PTPRD: variants seen among roughly 807,000 people sequenced by gnomAD.
The protein encoded by PTPRD is receptor-type tyrosine-protein phosphatase delta.
A neutral mutation model predicts 214.5 loss-of-function variants in PTPRD; 34 were observed. That is an observed-to-expected ratio of 0.16 (90% CI 0.12 to 0.21). PTPRD has a LOEUF of 0.21. PTPRD is among the 10% of genes least tolerant of loss of function. The pLI, the probability that PTPRD is intolerant of heterozygous loss-of-function variation, is 1.00. For synonymous variants in PTPRD, 1,128 were observed against 845.7 expected (o/e 1.33, Z -5.79); for missense variants, 2,545 against 2,398.7 (o/e 1.06, Z -1.27).
chr9:9,470,463 C>A (rs945334283), intron 8 of PTPRD, among the ~76,000 whole-genome samples: 3 of 152,128 alleles, frequency 2.0e-5, no homozygotes, highest in East Asian at 3.9e-4. Flanking sequence ...CTTTAAATGC[C>A]TTAAATACAA....
intron 3 of PTPRD, among the ~76,000 whole-genome samples, chr9:10,160,423 A>G (rs1487812776): frequency 6.6e-6 from 1 of 152,034 alleles, no homozygotes; most frequent in Non-Finnish European, 1.5e-5. Flanking sequence ...CAACCTTTCA[A>G]GAAGAATGAA....
chr9:9,479,554 A>G (rs72704683), intron 8 of PTPRD, among the ~76,000 whole-genome samples: 15,552 of 152,144 alleles, frequency 0.1, 872 homozygotes, highest in Non-Finnish European at 0.12. Context: ...AAAACAAGTC[A>G]TTGGATTTAA....
chr9:10,568,901 C>T (rs1435256608), intron 2 of PTPRD, among the ~76,000 whole-genome samples: 1 of 152,066 alleles, frequency 6.6e-6, no homozygotes, highest in Non-Finnish European at 1.5e-5. Flanking sequence ...GCAATGGCAA[C>T]AAAAGCCAAA....
intron 11 of PTPRD, among the ~76,000 whole-genome samples, chr9:8,992,435 A>C (rs1021249151): frequency 1.4e-4 from 22 of 152,150 alleles, no homozygotes; most frequent in Non-Finnish European, 2.8e-4. Flanking sequence ...GAAGTACTCT[A>C]ATTGGGACTA....
At chr9:9,297,482 A>T (rs537743507) in intron 9 of PTPRD, among the ~76,000 whole-genome samples, 1 of 151,710 alleles carries the variant, frequency 6.6e-6, no homozygotes, top group South Asian at 2.1e-4. Context: ...ATATCACCAA[A>T]ATTAAACAAG....
intron 4 of PTPRD, among the ~76,000 whole-genome samples, chr9:10,014,051 C>T (rs897311501): frequency 4.9e-4 from 75 of 151,920 alleles, no homozygotes; most frequent in African/African-American, 1.6e-3. Flanking sequence ...AATAAATCTT[C>T]ACATGTCAGC....
chr9:9,271,759 T>G (rs992177650), intron 9 of PTPRD, among the ~76,000 whole-genome samples: 1 of 151,318 alleles, frequency 6.6e-6, no homozygotes, highest in Non-Finnish European at 1.5e-5. Context: ...TAACATCAAA[T>G]AGAATTCATG....
chr9:10,455,934 G>A (rs1335403969), intron 2 of PTPRD, among the ~76,000 whole-genome samples: 1 of 151,722 alleles, frequency 6.6e-6, no homozygotes, highest in Non-Finnish European at 1.5e-5. Flanking sequence ...AAAAATATTA[G>A]AAGTTTGTTT....
chr9:10,454,171 C>T (rs1237485225), intron 2 of PTPRD, among the ~76,000 whole-genome samples: 1 of 151,562 alleles, frequency 6.6e-6, no homozygotes, highest in Admixed American at 6.6e-5. Context: ...TAAACAGAAT[C>T]TGGATACCCA....
chr9:8,951,302 T>C (rs946444079), intron 11 of PTPRD, among the ~76,000 whole-genome samples: 6 of 150,640 alleles, frequency 4.0e-5, no homozygotes, highest in African/African-American at 1.5e-4. Context: ...TTCTTAATTA[T>C]TTCTCTGCTG....
Position 8,341,630 on chromosome 9 carries a change from C to T in PTPRD, c.4947+63G>A, listed in dbSNP as rs573541117. The T allele has an allele frequency of 7.7e-5, 120 of 1,563,144 alleles. 1 individual carries two copies. Among genetic ancestry groups the T allele is most frequent in the Middle Eastern group, 6.9e-4 (4 of 5,804 alleles). ...AATTTGAAAGGTTAAAGTAAAGCCA[C>T]GACTCAAAGACAAACCCAGAATGAC... On this transcript the variant is annotated intron_variant, in intron 40 of 45. Coordinates refer to ENST00000381196, the MANE Select transcript of PTPRD (RefSeq NM_002839.4).
intron 2 of PTPRD, among the ~76,000 whole-genome samples, chr9:10,374,929 C>A (rs1044990911): frequency 1.3e-5 from 2 of 151,888 alleles, no homozygotes; most frequent in Admixed American, 6.6e-5. Context: ...TGCAGTGAAA[C>A]ATTGGGTTAC....
chr9:8,841,984 C>G (rs752473609), intron 11 of PTPRD, among the ~76,000 whole-genome samples: 2 of 147,450 alleles, frequency 1.4e-5, no homozygotes, highest in African/African-American at 2.6e-5. Context: ...GCACTCCAGC[C>G]TGGGCAATAG....
chr9:8,925,299 A>G (rs2098867243), intron 11 of PTPRD, among the ~76,000 whole-genome samples: 1 of 152,106 alleles, frequency 6.6e-6, no homozygotes, highest in South Asian at 2.1e-4. Context: ...TCTTATAGGC[A>G]GGGATGGTGT....
At chr9:9,837,792 A>C (rs903710849) in intron 5 of PTPRD, among the ~76,000 whole-genome samples, 5 of 151,856 alleles carry the variant, frequency 3.3e-5, no homozygotes, top group Non-Finnish European at 7.4e-5. Flanking sequence ...TTATACTTTA[A>C]GTTTTAGGGT....
Position 10,231,127 on chromosome 9 carries a change from A to G in PTPRD, c.-545+109836T>C, listed in dbSNP as rs577201266. 1.2e-4 allele frequency among the ~76,000 whole-genome samples: 18 copies of G among 152,104 alleles called. No homozygotes were observed. The South Asian group carries it at 3.3e-3, about 28-fold the overall frequency. On this transcript the variant is annotated intron_variant, in intron 3 of 45. Transcript: ENST00000381196. The stretch of plus-strand genomic sequence containing the variant: ...TCTGGTAAGTCTTAGGGATTCCTAT[A>G]AAGATAAATTATAAACCAGAAGTAA...
intron 3 of PTPRD, among the ~76,000 whole-genome samples, chr9:10,052,838 T>C (rs1035727762): frequency 2.0e-5 from 3 of 152,142 alleles, no homozygotes; most frequent in East Asian, 3.8e-4. Context: ...CCTCTCTATT[T>C]CCCATCTCAC....
chr9:9,630,996 CT>C (rs2095571985), intron 7 of PTPRD, among the ~76,000 whole-genome samples: 3 of 151,928 alleles, frequency 2.0e-5, no homozygotes, highest in South Asian at 2.1e-4. Flanking sequence ...TTTTCAATGC[CT>C]TTAATGAAAG....
intron 3 of PTPRD, among the ~76,000 whole-genome samples, chr9:10,173,536 A>T (rs539687388): frequency 1.3e-5 from 2 of 152,238 alleles, no homozygotes; most frequent in South Asian, 4.1e-4. Flanking sequence ...ACATTCCCAG[A>T]TTGACCAATG....
Sources: gnomAD v4.1 joint callset for allele counts (sites outside exome capture counted in the v4.1 genomes callset) on GRCh38, gnomAD v4.1.1 for gene constraint, MANE v1.5 for transcripts, NCBI Gene and HGNC (gene_info 2026-07-23, HGNC 2026-07-21) for gene names.